The following FOXP1 variants were observed in gnomAD, a reference collection of about 807,000 sequenced individuals.
FOXP1 encodes the protein forkhead box P1.
In FOXP1, 15 loss-of-function variants were observed where a neutral mutation model predicts 98.2. The ratio of observed to expected loss-of-function variants is 0.15; its 90% CI spans 0.10 to 0.24. FOXP1 has a LOEUF of 0.24. FOXP1 is among the 10% of genes least tolerant of loss of function. The probability of loss-of-function intolerance (pLI) is 1.00; values close to 1 mark genes in which losing one functional copy is unlikely to be tolerated. For missense variants in FOXP1, 633 were observed against 848.5 expected, an observed-to-expected ratio of 0.75 and a Z score of 3.15; for synonymous variants, 371 against 314.5, an observed-to-expected ratio of 1.18 and a Z score of -1.90.
chr3:71,241,275 G>C (rs1329635403), intron 5 of FOXP1, among the ~76,000 whole-genome samples: 1 of 151,990 alleles, frequency 6.6e-6, no homozygotes, highest in African/African-American at 2.4e-5. Flanking sequence ...TACCATAAGG[G>C]AGCACAGGAA....
intron 4 of FOXP1, among the ~76,000 whole-genome samples, chr3:71,346,811 C>A (rs2077392782): frequency 6.6e-6 from 1 of 152,062 alleles, no homozygotes; most frequent in East Asian, 1.9e-4. Flanking sequence ...TTAATGAGGC[C>A]GAGGCGGGTG....
chr3:71,510,619 C>T (rs1213787726), intron 2 of FOXP1, among the ~76,000 whole-genome samples: 1 of 152,188 alleles, frequency 6.6e-6, no homozygotes, highest in Non-Finnish European at 1.5e-5. Context: ...CCTCCCAGTG[C>T]TGTAGTGAGC....
chr3:71,231,438 GA>G (rs896867667), intron 5 of FOXP1, among the ~76,000 whole-genome samples: 8 of 149,542 alleles, frequency 5.3e-5, no homozygotes, highest in Admixed American at 2.0e-4. Flanking sequence ...TACCTTATAG[GA>G]AAAAAAAATA....
At chr3:71,324,906 C>T (rs1312616524) in intron 4 of FOXP1, among the ~76,000 whole-genome samples, 1 of 152,166 alleles carries the variant, frequency 6.6e-6, no homozygotes, top group Non-Finnish European at 1.5e-5. Flanking sequence ...AGGAGAAAGG[C>T]AAGCCCTAGG....
intron 6 of FOXP1, among the ~76,000 whole-genome samples, chr3:71,174,785 TACACACACACACACACACAC>T (rs3064896): frequency 3.8e-5 from 5 of 131,678 alleles, no homozygotes; most frequent in South Asian, 2.6e-4. Context: ...TGCACATGCA[TACACACACACACACACACAC>T]ACACACACAC....
chr3:70,974,719 T>C (rs1469467531), intron 17 of FOXP1, among the ~76,000 whole-genome samples: 1 of 152,226 alleles, frequency 6.6e-6, no homozygotes, highest in African/African-American at 2.4e-5. Context: ...AGACAGGGCA[T>C]GACACATGTA....
intron 5 of FOXP1, among the ~76,000 whole-genome samples, chr3:71,220,527 C>A (rs1351308464): frequency 6.6e-6 from 1 of 152,050 alleles, no homozygotes; most frequent in Non-Finnish European, 1.5e-5. Context: ...GCAGGTGGAT[C>A]GCCTGAGCTT....
intron 3 of FOXP1, among the ~76,000 whole-genome samples, chr3:71,364,624 A>C (rs1205480145): frequency 6.6e-6 from 1 of 152,210 alleles, no homozygotes; most frequent in Non-Finnish European, 1.5e-5. Flanking sequence ...ATTATAAAAG[A>C]AAAAATCCTA....
chr3:71,252,509 T>C (rs1341910386), intron 5 of FOXP1, among the ~76,000 whole-genome samples: 1 of 152,030 alleles, frequency 6.6e-6, no homozygotes, highest in African/African-American at 2.4e-5. Context: ...CTAAATTGGT[T>C]CTCTGAGAAC....
intron 3 of FOXP1, among the ~76,000 whole-genome samples, chr3:71,403,496 G>A (rs1214522250): frequency 1.3e-5 from 2 of 152,230 alleles, no homozygotes; most frequent in South Asian, 2.1e-4. Context: ...GTGTGTGTGC[G>A]CGTGCATGCA....
chr3:71,343,881 C>G lies in FOXP1; in HGVS notation c.-73+15269G>C, dbSNP rs143446623. On this transcript the variant is annotated intron_variant, in intron 4 of 20. Transcript: ENST00000649528. The stretch of plus-strand genomic sequence containing the variant: ...AGATTAAATGCAAGCCTGGATCTAC[C>G]CTGTCACAGTTTCCAAACCTACTGG... Among the ~76,000 whole-genome samples the G allele has an allele frequency of 5.3e-4, 81 of 152,250 alleles. 1 individual carries two copies. The East Asian group carries it at 0.014, about 26-fold the overall frequency.
chr3:71,026,917 T>A (rs535077756), intron 11 of FOXP1, among the ~76,000 whole-genome samples: 2 of 152,056 alleles, frequency 1.3e-5, no homozygotes, highest in East Asian at 3.9e-4. Context: ...ATTTGCAAGG[T>A]GATGAGTGAA....
At chr3:71,032,305 C>T (rs2046982336) in intron 11 of FOXP1, among the ~76,000 whole-genome samples, 1 of 152,190 alleles carries the variant, frequency 6.6e-6, no homozygotes, top group South Asian at 2.1e-4. Context: ...CTGAGGAGCC[C>T]AACAGGATGT....
At chr3:71,004,857 AC>A (rs2042569296) in intron 12 of FOXP1, among the ~76,000 whole-genome samples, 1 of 152,078 alleles carries the variant, frequency 6.6e-6, no homozygotes, top group Non-Finnish European at 1.5e-5. Context: ...ATCCTTTGTT[AC>A]ATTAGGGCTC....
intron 3 of FOXP1, among the ~76,000 whole-genome samples, chr3:71,421,948 G>A (rs938028212): frequency 4.6e-5 from 7 of 152,132 alleles, no homozygotes; most frequent in African/African-American, 1.7e-4. Flanking sequence ...TCTTGACGTG[G>A]CCTTGGTTTC....
In FOXP1 at chr3:70,955,866, C is replaced by A. The variant is rs1012208415; in HGVS notation, c.*3381G>T. 4.5e-6 allele frequency: 1 copy of A among 222,886 alleles called. No homozygotes were observed. The highest frequency in any genetic ancestry group is 6.9e-5 in the East Asian group (1 of 14,484). The allele number at this position is 222,886 out of a possible 1,614,324, so 13.8% of individuals were successfully genotyped here. A position where few individuals can be genotyped will look rare whatever the true frequency, so the allele number is the denominator to read the frequency against. ...CACACACACACACACAAAACCTGTA[C>A]AAAATGCTCCAATCAATGAGAACAG... On this transcript the variant is annotated 3_prime_UTR_variant, in exon 21 of 21. Coordinates refer to ENST00000649528, the MANE Select transcript of FOXP1 (RefSeq NM_001349338.3).
chr3:71,088,393 G>GTTTTGTTTTT (rs1553730902), intron 7 of FOXP1, among the ~76,000 whole-genome samples: 2 of 120,150 alleles, frequency 1.7e-5, no homozygotes. Context: ...ACATTGTTTT[G>GTTTTGTTTTT]TTTTTTGTTT....
At chr3:71,482,703 TA>T (rs1229223947) in intron 3 of FOXP1, among the ~76,000 whole-genome samples, 2 of 151,910 alleles carry the variant, frequency 1.3e-5, no homozygotes, top group African/African-American at 4.8e-5. Context: ...CCTGGCCTAA[TA>T]ATACATAACT....
chr3:70,961,054 G>C (rs553294475), intron 20 of FOXP1, among the ~76,000 whole-genome samples: 162 of 151,760 alleles, frequency 1.1e-3, no homozygotes, highest in Non-Finnish European at 1.8e-3. Context: ...CCGTGGTCTC[G>C]ATCTCCTGAC....
Sources: gnomAD v4.1 joint callset for allele counts (sites outside exome capture counted in the v4.1 genomes callset) on GRCh38, gnomAD v4.1.1 for gene constraint, MANE v1.5 for transcripts, NCBI Gene and HGNC (gene_info 2026-07-23, HGNC 2026-07-21) for gene names.